Variants in TNIP1 observed in about 807,000 individuals in gnomAD.
The protein encoded by TNIP1 is TNFAIP3-interacting protein 1.
Under a neutral mutation model 86.6 loss-of-function variants are expected in TNIP1, and 22 were observed. The observed-to-expected ratio is 0.25, with a 90% CI of 0.18 to 0.36. The LOEUF is 0.36. TNIP1 is among the 10% of genes least tolerant of loss of function. The probability of loss-of-function intolerance (pLI) is 1.00; values close to 1 mark genes in which losing one functional copy is unlikely to be tolerated. For missense variants in TNIP1, 709 were observed against 820.6 expected, an observed-to-expected ratio of 0.86 and a Z score of 1.66; for synonymous variants, 294 against 313.0, an observed-to-expected ratio of 0.94 and a Z score of 0.64.
In TNIP1 at chr5:151,049,814, G is replaced by T; in HGVS notation, c.846+10C>A. 2 of 1,614,088 alleles carry T rather than the reference G, an allele frequency of 1.2e-6. No individual in the cohort carries two copies. Among genetic ancestry groups the T allele is most frequent in the Non-Finnish European group, 1.7e-6 (2 of 1,180,014 alleles). On this transcript the variant is annotated intron_variant, in intron 8 of 17. Coordinates refer to ENST00000521591, the MANE Select transcript of TNIP1 (RefSeq NM_006058.5). ...CAAGGATGCTACAGAAGGAATTTCT[G>T]ACCACATACCTGCTGCTGTCCAGCC...
chr5:151,056,145 T>C (rs1760628778), intron 6 of TNIP1, among the ~76,000 whole-genome samples: 1 of 152,164 alleles, frequency 6.6e-6, no homozygotes, highest in Non-Finnish European at 1.5e-5. Flanking sequence ...TTGTCCAAGG[T>C]CATACAGCAA....
At position 151,042,669 on chromosome 5, in the gene TNIP1, G is replaced by C. The variant is rs1320876840; in HGVS notation, c.1005C>G (p.Ile335Met). 6.2e-7 allele frequency: 1 copy of C among 1,613,842 alleles called. No homozygotes were observed. The highest frequency in any genetic ancestry group is 1.7e-5 in the Admixed American group (1 of 60,018). Residue 335 changes from isoleucine (I) to methionine (M), a missense_variant and splice_region_variant, in exon 11 of 18, where the codon ATC becomes ATG. Ile to Met is a conservative substitution (Grantham distance 10). Coordinates refer to ENST00000521591, the MANE Select transcript of TNIP1 (RefSeq NM_006058.5). The part of the protein sequence containing the change: ...RSMKQQYEQK[I>M]TELRQKLADL... ...CAGCCAGCTTCTGACGCAGCTCAGT[G>C]ATCTGGGTTCAGAGGCAGAGAGGAG... is the stretch of plus-strand genomic sequence containing the variant.
intron 1 of TNIP1, among the ~76,000 whole-genome samples, chr5:151,073,719 T>C (rs536015465): frequency 7.9e-5 from 12 of 152,128 alleles, no homozygotes; most frequent in Non-Finnish European, 1.3e-4. Flanking sequence ...AAAGCAAGAA[T>C]AGATTCTCTA....
intron 8 of TNIP1, chr5:151,046,265 A>T: frequency 1.0e-4 from 31 of 310,658 alleles, no homozygotes; most frequent in South Asian, 4.7e-4. Flanking sequence ...CTCACTCCCT[A>T]CACACATCAG....
chr5:151,035,004 TTGCTTTCCTCTTC>T lies in TNIP1; in HGVS notation c.1572_1584del (p.Lys525ArgfsTer86). The T allele has an allele frequency of 6.2e-7, 1 of 1,614,092 alleles. No homozygotes were observed. Among genetic ancestry groups the T allele is most frequent in the South Asian group, 1.1e-5 (1 of 91,040 alleles). On this transcript the variant is annotated frameshift_variant, in exon 15 of 18. Coordinates refer to ENST00000521591, the MANE Select transcript of TNIP1 (RefSeq NM_006058.5). LOFTEE classifies it high-confidence loss of function. Reference sequence around the variant, plus strand: ...CTACCTCCCTCAAGCCTCCTCACCTTTGCTTTCCTCTTCTGCTGTCTGAGGGCTTCTCTTGCCT... The same window carrying T: ...CTACCTCCCTCAAGCCTCCTCACCTTTGCTGTCTGAGGGCTTCTCTTGCCT...
chr5:151,059,860 T>C (rs1761278058), intron 5 of TNIP1, among the ~76,000 whole-genome samples: 2 of 97,346 alleles, frequency 2.1e-5, no homozygotes, highest in African/African-American at 1.0e-4. Flanking sequence ...TGTGTGTGTG[T>C]GTGTGTGCGC....
chr5:151,047,421 G>A (rs372560274), intron 8 of TNIP1, among the ~76,000 whole-genome samples: 2 of 152,202 alleles, frequency 1.3e-5, no homozygotes, highest in East Asian at 3.8e-4. Flanking sequence ...AACTGTCACA[G>A]ACTAGAGGAA....
At chr5:151,073,818 T>C (rs1395771462) in intron 1 of TNIP1, among the ~76,000 whole-genome samples, 4 of 152,088 alleles carry the variant, frequency 2.6e-5, no homozygotes, top group South Asian at 2.1e-4. Context: ...GAGGATCACT[T>C]GAGCCCAGCA....
At chr5:151,087,205 G>C (rs1764309865), upstream of TNIP1, 1 of 152,622 alleles carries the variant, frequency 6.6e-6, no homozygotes, top group Admixed American at 6.5e-5. Context: ...TATTAGGCAG[G>C]AGGGGAATTC....
chr5:151,046,482 G>C (rs1352348258), intron 8 of TNIP1: 2 of 152,996 alleles, frequency 1.3e-5, no homozygotes, highest in Non-Finnish European at 2.9e-5. Flanking sequence ...TCCCAGCTCT[G>C]TCCTCTGTAA....
At chr5:151,050,119 C>T (rs528664852) in intron 7 of TNIP1, among the ~76,000 whole-genome samples, 172 bp from the exon 8 acceptor site, 27 of 152,212 alleles carry the variant, frequency 1.8e-4, no homozygotes, top group Non-Finnish European at 3.8e-4. Flanking sequence ...CTACCTTGCT[C>T]TCAATCTGTG....
chr5:151,044,845 G>A (rs781665640), intron 9 of TNIP1, among the ~76,000 whole-genome samples: 2 of 152,180 alleles, frequency 1.3e-5, no homozygotes, highest in African/African-American at 2.4e-5. Context: ...ACTCTGCTGC[G>A]TGGCTTCTCT....
intron 1 of TNIP1, among the ~76,000 whole-genome samples, chr5:151,079,326 TAGAA>T (rs1763738575): frequency 6.6e-6 from 1 of 152,096 alleles, no homozygotes. Flanking sequence ...TAAGAGTTGT[TAGAA>T]AGATTAAGTG....
At chr5:151,061,906 G>A (rs1160945883) in intron 4 of TNIP1, among the ~76,000 whole-genome samples, 3 of 152,178 alleles carry the variant, frequency 2.0e-5, no homozygotes, top group Admixed American at 1.3e-4. Flanking sequence ...AGAATTCCTT[G>A]TACATACCAG....
At chr5:151,081,884 T>A (rs1764054003), upstream of TNIP1, among the ~76,000 whole-genome samples, 1 of 152,228 alleles carries the variant, frequency 6.6e-6, no homozygotes, top group Admixed American at 6.5e-5. Context: ...GAAAGCTTTT[T>A]AAAAGCTTAT....
intron 8 of TNIP1, 94 bp downstream of exon 8, chr5:151,049,730 C>A: frequency 6.8e-7 from 1 of 1,469,346 alleles, no homozygotes; most frequent in East Asian, 2.3e-5. Flanking sequence ...GCACTGGCTG[C>A]AGGAGGGAGG....
chr5:151,041,940 CTT>C (rs534852391), intron 11 of TNIP1, among the ~76,000 whole-genome samples: 28 of 131,792 alleles, frequency 2.1e-4, no homozygotes, highest in Admixed American at 5.4e-4. Flanking sequence ...CTGCTTGGAT[CTT>C]TTTTTTTTTT....
At position 151,054,690 on chromosome 5, in the gene TNIP1, TA is replaced by T. The variant is rs995754029; in HGVS notation, c.627+2075del. Among the ~76,000 whole-genome samples the T allele has an allele frequency of 3.9e-4, 60 of 151,970 alleles. 1 individual carries two copies. The highest frequency in any genetic ancestry group is 1.4e-3 in the African/African-American group (59 of 41,470). On this transcript the variant is annotated intron_variant, in intron 6 of 17. Coordinates refer to ENST00000521591, the MANE Select transcript of TNIP1 (RefSeq NM_006058.5). ...CAAGACCCTGTCCCCCAACACCCCT[TA>T]AAAAAAAGAAATCAAAAAATTATTG...
At chr5:151,069,737 C>T (rs970252802) in intron 1 of TNIP1, among the ~76,000 whole-genome samples, 3 of 152,110 alleles carry the variant, frequency 2.0e-5, no homozygotes, top group African/African-American at 4.8e-5. Context: ...CCAGGAAAGA[C>T]GGCACAGAAC....
Sources: allele counts gnomAD v4.1 joint callset (sites outside exome capture counted in the v4.1 genomes callset), GRCh38; gene constraint gnomAD v4.1.1; transcripts MANE v1.5; gene names NCBI Gene and HGNC (gene_info 2026-07-23, HGNC 2026-07-21).